Variants in L3MBTL4 observed in about 807,000 individuals in gnomAD.
The protein encoded by L3MBTL4 is L3MBTL histone methyl-lysine binding protein 4, also known as lethal(3)malignant brain tumor-like protein 4.
In L3MBTL4, 70 loss-of-function variants were observed where a neutral mutation model predicts 84.5. The observed-to-expected ratio is 0.83, with a 90% CI of 0.68 to 1.01. The LOEUF is 1.01. Ranked by LOEUF, L3MBTL4 falls within the 50% of genes least tolerant of loss-of-function variation. The pLI, the probability that L3MBTL4 is intolerant of heterozygous loss-of-function variation, is 0.00. For missense variants in L3MBTL4, 715 were observed against 754.8 expected (o/e 0.95, Z 0.62); for synonymous variants, 274 against 259.8 (o/e 1.05, Z -0.52).
At chr18:6,347,959 T>C (rs2052997617) in intron 1 of L3MBTL4, among the ~76,000 whole-genome samples, 1 of 151,966 alleles carries the variant, frequency 6.6e-6, no homozygotes, top group Non-Finnish European at 1.5e-5. Context: ...TTACCAAAAT[T>C]AATAAATACA....
At chr18:5,966,726 G>A (rs1346547345) in intron 17 of L3MBTL4, among the ~76,000 whole-genome samples, 1 of 151,704 alleles carries the variant, frequency 6.6e-6, no homozygotes, top group Non-Finnish European at 1.5e-5. Context: ...CCCCAAACTG[G>A]ACTTTGCCCC....
chr18:6,303,680 G>A (rs570735964), intron 3 of L3MBTL4, among the ~76,000 whole-genome samples: 2 of 152,208 alleles, frequency 1.3e-5, no homozygotes, highest in South Asian at 2.1e-4. Context: ...CACATCTGGG[G>A]AAACTCCTGA....
intron 16 of L3MBTL4, chr18:6,046,776 A>T (rs375748493): frequency 2.1e-5 from 16 of 772,052 alleles, no homozygotes; most frequent in Non-Finnish European, 3.9e-5. Flanking sequence ...AAAGTTTATG[A>T]CATAAACACT....
chr18:5,972,219 T>C (rs1476992095), intron 16 of L3MBTL4, among the ~76,000 whole-genome samples: 1 of 152,238 alleles, frequency 6.6e-6, no homozygotes, highest in African/African-American at 2.4e-5. Context: ...ATCTGTTATA[T>C]GTTGAACACA....
At chr18:6,177,788 C>A (rs2044289457) in intron 12 of L3MBTL4, among the ~76,000 whole-genome samples, 1 of 152,172 alleles carries the variant, frequency 6.6e-6, no homozygotes, top group Non-Finnish European at 1.5e-5. Flanking sequence ...ACAGGCAACA[C>A]TGGTGTTCCT....
chr18:6,240,526 AT>A (rs1188635258), intron 8 of L3MBTL4, among the ~76,000 whole-genome samples: 1 of 152,058 alleles, frequency 6.6e-6, no homozygotes, highest in African/African-American at 2.4e-5. Flanking sequence ...TAACATAACA[AT>A]TACAAACCCA....
chr18:6,213,796 T>G (rs2046215071), intron 11 of L3MBTL4, among the ~76,000 whole-genome samples: 1 of 152,234 alleles, frequency 6.6e-6, no homozygotes, highest in Non-Finnish European at 1.5e-5. Flanking sequence ...AAATAATTTT[T>G]TGGCCATTTT....
chr18:5,958,513 T>C (rs902514391), intron 18 of L3MBTL4, among the ~76,000 whole-genome samples: 2 of 152,092 alleles, frequency 1.3e-5, no homozygotes, highest in African/African-American at 4.8e-5. Flanking sequence ...ACAGCTAACA[T>C]TTATGGAGCT....
rs75329355 is a variant in L3MBTL4, at chr18:6,051,092, A to T, written c.1444+29789T>A. 1.3e-3 allele frequency among the ~76,000 whole-genome samples: 197 copies of T among 152,276 alleles called. 2 individuals are homozygous for T. The East Asian group carries it at 0.031, about 24-fold the overall frequency. On this transcript the variant is annotated intron_variant, in intron 16 of 18. Coordinates refer to ENST00000317931, the MANE Select transcript of L3MBTL4 (RefSeq NM_001330559.2). The stretch of plus-strand genomic sequence containing the variant: ...AGAACTCCTTTTGCTAGTATTCCAC[A>T]CTGTGTCTTTAGTGTATGCTAGTCA...
chr18:6,021,119 C>T (rs2055230133), intron 16 of L3MBTL4, among the ~76,000 whole-genome samples: 1 of 152,190 alleles, frequency 6.6e-6, no homozygotes, highest in Non-Finnish European at 1.5e-5. Context: ...GGGCCCAACG[C>T]TTTTCCACGG....
chr18:6,019,443 AGTT>A (rs2055148495), intron 16 of L3MBTL4, among the ~76,000 whole-genome samples: 1 of 152,192 alleles, frequency 6.6e-6, no homozygotes, highest in South Asian at 2.1e-4. Context: ...ACCCAGCTGA[AGTT>A]GTAATTTTAG....
chr18:6,228,371 A>C (rs2046860613), intron 10 of L3MBTL4, among the ~76,000 whole-genome samples: 1 of 152,158 alleles, frequency 6.6e-6, no homozygotes, highest in South Asian at 2.1e-4. Flanking sequence ...AAAAGCTGAG[A>C]CTCATTTAAA....
chr18:6,196,669 CA>C (rs1471761576), intron 12 of L3MBTL4, among the ~76,000 whole-genome samples: 24 of 152,216 alleles, frequency 1.6e-4, no homozygotes, highest in African/African-American at 5.8e-4. Context: ...ATCCCCTTCT[CA>C]GTGTGAAAAA....
chr18:6,221,267 A>T (rs2046538768), intron 10 of L3MBTL4, among the ~76,000 whole-genome samples: 1 of 152,204 alleles, frequency 6.6e-6, no homozygotes, highest in East Asian at 1.9e-4. Flanking sequence ...AACCACAATT[A>T]TACTGGTGGC....
chr18:6,281,011 C>T (rs888851204), intron 4 of L3MBTL4, among the ~76,000 whole-genome samples: 1 of 151,940 alleles, frequency 6.6e-6, no homozygotes, highest in Non-Finnish European at 1.5e-5. Flanking sequence ...GCTTGAGCCG[C>T]TATGTCTGTG....
chr18:6,326,949 C>T (rs1407782610), intron 1 of L3MBTL4, among the ~76,000 whole-genome samples: 2 of 152,158 alleles, frequency 1.3e-5, no homozygotes, highest in Non-Finnish European at 2.9e-5. Context: ...CATGATCTTT[C>T]AGTTATGCAC....
At chr18:6,258,591 AC>A (rs2048258941) in intron 5 of L3MBTL4, 1 of 152,362 alleles carries the variant, frequency 6.6e-6, no homozygotes, top group Non-Finnish European at 1.5e-5. Flanking sequence ...AGAATAAGGG[AC>A]AGAAAAGTCT....
At chr18:6,330,411 T>G (rs1018980814) in intron 1 of L3MBTL4, among the ~76,000 whole-genome samples, 1 of 152,250 alleles carries the variant, frequency 6.6e-6, no homozygotes, top group African/African-American at 2.4e-5. Context: ...TCCAGAGGCT[T>G]CCAGCATTCC....
chr18:5,995,658 C>T (rs901180469), intron 16 of L3MBTL4, among the ~76,000 whole-genome samples: 1 of 152,192 alleles, frequency 6.6e-6, no homozygotes, highest in Non-Finnish European at 1.5e-5. Flanking sequence ...GCAAATAGAG[C>T]TGAGGGAATA....
Sources: allele counts gnomAD v4.1 joint callset (sites outside exome capture counted in the v4.1 genomes callset), GRCh38; gene constraint gnomAD v4.1.1; transcripts MANE v1.5; gene names NCBI Gene and HGNC (gene_info 2026-07-23, HGNC 2026-07-21).